Variants in PBX3 observed in about 807,000 individuals in gnomAD.
The protein encoded by PBX3 is pre-B-cell leukemia transcription factor 3.
Under a neutral mutation model 48.5 loss-of-function variants are expected in PBX3, and 14 were observed. That is an observed-to-expected ratio of 0.29 (90% CI 0.19 to 0.45). The LOEUF (loss-of-function observed/expected upper bound fraction) is 0.45. Ranked by LOEUF, PBX3 falls within the 20% of genes least tolerant of loss-of-function variation. The probability of loss-of-function intolerance (pLI) is 1.00; values close to 1 mark genes in which losing one functional copy is unlikely to be tolerated. For missense variants in PBX3, 386 were observed against 546.7 expected (o/e 0.71, Z 2.93); for synonymous variants, 210 against 200.3 (o/e 1.05, Z -0.41).
At chr9:125,748,527 G>A (rs191606508) in intron 1 of PBX3, 23 bp from the exon 2 acceptor site, 968 of 1,611,778 alleles carry the variant, frequency 6.0e-4, no homozygotes, top group Non-Finnish European at 7.3e-4. Flanking sequence ...TAATACCTTT[G>A]TGTTTCGTTA....
chr9:125,923,756 T>A (rs1003805571), intron 3 of PBX3, among the ~76,000 whole-genome samples: 1 of 151,534 alleles, frequency 6.6e-6, no homozygotes, highest in Admixed American at 6.6e-5. Flanking sequence ...CCTGTAGAGA[T>A]GGGGTCTCAC....
At chr9:125,791,800 G>T (rs867262395) in intron 2 of PBX3, among the ~76,000 whole-genome samples, 2 of 152,122 alleles carry the variant, frequency 1.3e-5, no homozygotes, top group Middle Eastern at 3.4e-3. Context: ...GCCGGGCGTG[G>T]TGGCAGGCGC....
At chr9:125,891,731 C>T (rs1004176345) in intron 2 of PBX3, among the ~76,000 whole-genome samples, 3 of 152,158 alleles carry the variant, frequency 2.0e-5, no homozygotes, top group African/African-American at 7.2e-5. Flanking sequence ...GGAATTTTAA[C>T]CATGTGTATC....
chr9:125,870,173 A>T (rs1156762907), intron 2 of PBX3, among the ~76,000 whole-genome samples: 4 of 151,356 alleles, frequency 2.6e-5, no homozygotes, highest in Non-Finnish European at 5.9e-5. Flanking sequence ...GGTTCAAGGG[A>T]TTCTCCTGCC....
Position 125,865,950 on chromosome 9 carries a change from G to GT in PBX3, c.275-49731dup, listed in dbSNP as rs1209750451. On this transcript the variant is annotated intron_variant, in intron 2 of 8. Coordinates refer to ENST00000373489, the MANE Select transcript of PBX3 (RefSeq NM_006195.6). ...GCTTACCTGCTTGCGTGCCTTCCCT[G>GT]TTTTTCCCCCAATTTTTTTCCCCCC... Among the ~76,000 whole-genome samples the GT allele has an allele frequency of 4.7e-5, 7 of 147,724 alleles. No homozygotes were observed. The East Asian group carries it at 1.4e-3, about 29-fold the overall frequency.
At chr9:125,782,377 G>A (rs1301480992) in intron 2 of PBX3, among the ~76,000 whole-genome samples, 1 of 152,126 alleles carries the variant, frequency 6.6e-6, no homozygotes, top group Admixed American at 6.5e-5. Context: ...AATTCAAGAT[G>A]AGATTTGGGT....
At chr9:125,951,279 G>C (rs565783825) in intron 5 of PBX3, among the ~76,000 whole-genome samples, 1 of 152,150 alleles carries the variant, frequency 6.6e-6, no homozygotes, top group Admixed American at 6.5e-5. Flanking sequence ...AGGTAGTGCC[G>C]TCAGGTACTT....
At chr9:125,890,250 C>T (rs538162228) in intron 2 of PBX3, among the ~76,000 whole-genome samples, 12 of 152,216 alleles carry the variant, frequency 7.9e-5, no homozygotes, top group African/African-American at 2.9e-4. Context: ...CAACCAGCTT[C>T]AAAACAATGG....
chr9:125,780,208 C>G (rs920117750), intron 2 of PBX3, among the ~76,000 whole-genome samples: 5 of 135,576 alleles, frequency 3.7e-5, no homozygotes, highest in Non-Finnish European at 4.8e-5. Context: ...CCCCACCTCC[C>G]TCCCGGACGG....
intron 2 of PBX3, among the ~76,000 whole-genome samples, chr9:125,793,187 C>T (rs1837662497): frequency 6.7e-6 from 1 of 150,024 alleles, no homozygotes; most frequent in African/African-American, 2.4e-5. Context: ...CCTGTCTCTA[C>T]TAAAAATACA....
At chr9:125,837,015 A>G (rs1307820050) in intron 2 of PBX3, among the ~76,000 whole-genome samples, 2 of 152,226 alleles carry the variant, frequency 1.3e-5, no homozygotes, top group Non-Finnish European at 1.5e-5. Flanking sequence ...TTGTCCTAGC[A>G]ATTGCAATTC....
chr9:125,892,170 A>C (rs1463914920), intron 2 of PBX3, among the ~76,000 whole-genome samples: 1 of 152,088 alleles, frequency 6.6e-6, no homozygotes, highest in Non-Finnish European at 1.5e-5. Context: ...TGATTTGCCC[A>C]CCAAGGCCTC....
chr9:125,956,719 C>A (rs956918171), intron 5 of PBX3, among the ~76,000 whole-genome samples: 1 of 152,188 alleles, frequency 6.6e-6, no homozygotes, highest in Non-Finnish European at 1.5e-5. Flanking sequence ...GGCCCTTTGC[C>A]TTGGGCACAA....
chr9:125,930,843 A>G (rs1171136954), intron 4 of PBX3, among the ~76,000 whole-genome samples: 1 of 152,190 alleles, frequency 6.6e-6, no homozygotes, highest in Non-Finnish European at 1.5e-5. Context: ...CCGTGCTACC[A>G]TGATTGCTTT....
intron 2 of PBX3, among the ~76,000 whole-genome samples, chr9:125,833,831 C>T (rs139234771): frequency 2.6e-5 from 4 of 152,146 alleles, no homozygotes; most frequent in Non-Finnish European, 4.4e-5. Context: ...TTTGTGTAGA[C>T]ATATATTTTC....
intron 5 of PBX3, among the ~76,000 whole-genome samples, chr9:125,954,921 GTTTTA>G (rs533304353): frequency 1.2e-4 from 18 of 152,132 alleles, no homozygotes; most frequent in Non-Finnish European, 2.2e-4. Flanking sequence ...TAGTGTTACA[GTTTTA>G]TTTTAAGATG....
chr9:125,938,487 G>A (rs1032485456), intron 5 of PBX3, among the ~76,000 whole-genome samples: 4 of 152,124 alleles, frequency 2.6e-5, no homozygotes, highest in Non-Finnish European at 4.4e-5. Flanking sequence ...AAAAGTAATA[G>A]TAGAGTGGAG....
At chr9:125,754,902 G>C (rs181364732) in intron 2 of PBX3, among the ~76,000 whole-genome samples, 1 of 152,016 alleles carries the variant, frequency 6.6e-6, no homozygotes, top group Admixed American at 6.6e-5. Context: ...AAAAATAATT[G>C]TTAAAAGTTT....
At chr9:125,945,571 A>T (rs572874063) in intron 5 of PBX3, among the ~76,000 whole-genome samples, 7 of 152,264 alleles carry the variant, frequency 4.6e-5, no homozygotes, top group Non-Finnish European at 1.0e-4. Context: ...TGTTCCCCTG[A>T]TAGATGGTAA....
Sources: gnomAD v4.1 joint callset for allele counts (sites outside exome capture counted in the v4.1 genomes callset) on GRCh38, gnomAD v4.1.1 for gene constraint, MANE v1.5 for transcripts, NCBI Gene and HGNC (gene_info 2026-07-23, HGNC 2026-07-21) for gene names.